The following SHISA9 variants were observed in gnomAD, a reference collection of about 807,000 sequenced individuals.
SHISA9 encodes the protein protein shisa-9.
A neutral mutation model predicts 38.0 loss-of-function variants in SHISA9; 13 were observed. The ratio of observed to expected loss-of-function variants is 0.34; its 90% CI spans 0.22 to 0.54. The LOEUF (loss-of-function observed/expected upper bound fraction) is 0.54. SHISA9 is among the 20% of genes least tolerant of loss of function. SHISA9 has a pLI of 0.91. For missense variants in SHISA9, 538 were observed against 575.8 expected (o/e 0.93, Z 0.67); for synonymous variants, 275 against 242.0 (o/e 1.14, Z -1.27).
chr16:13,035,510 T>C (rs949440396), intron 2 of SHISA9, among the ~76,000 whole-genome samples: 3 of 149,658 alleles, frequency 2.0e-5, no homozygotes, highest in African/African-American at 7.5e-5. Context: ...AGGTTGATTA[T>C]GATTATGTGT....
intron 2 of SHISA9, among the ~76,000 whole-genome samples, chr16:13,153,172 C>G (rs1424621678): frequency 6.6e-6 from 1 of 152,074 alleles, no homozygotes; most frequent in Non-Finnish European, 1.5e-5. Context: ...GACTTCTGAC[C>G]TCCAGACATG....
chr16:13,426,813 G>C, the SHISA9 span, among the ~76,000 whole-genome samples: 4 of 152,198 alleles, frequency 2.6e-5, no homozygotes, highest in Admixed American at 2.6e-4. Context: ...TTTATGAATG[G>C]CGTTGACAGT....
At chr16:13,509,262 G>C in the SHISA9 span, among the ~76,000 whole-genome samples, 2 of 145,076 alleles carry the variant, frequency 1.4e-5, no homozygotes, top group African/African-American at 2.6e-5. Flanking sequence ...GCTGGCTTCA[G>C]TCAGAAATGC....
chr16:13,288,349 G>C, the SHISA9 span, among the ~76,000 whole-genome samples: 1 of 152,124 alleles, frequency 6.6e-6, no homozygotes, highest in South Asian at 2.1e-4. Context: ...TCAGGTTCTG[G>C]TGAAGGCCTT....
chr16:13,287,188 A>G, the SHISA9 span, among the ~76,000 whole-genome samples: 11 of 152,302 alleles, frequency 7.2e-5, no homozygotes, highest in East Asian at 1.9e-3. Context: ...TAAGAACCCA[A>G]TTAAATGTGG....
At chr16:13,482,813 A>AAG in the SHISA9 span, among the ~76,000 whole-genome samples, 1 of 151,358 alleles carries the variant, frequency 6.6e-6, no homozygotes, top group Non-Finnish European at 1.5e-5. Flanking sequence ...AAAAAAAAAA[A>AAG]AAAAGAGAGA....
intron 2 of SHISA9, among the ~76,000 whole-genome samples, chr16:13,158,596 T>G (rs190383822): frequency 6.6e-6 from 1 of 152,244 alleles, no homozygotes; most frequent in Admixed American, 6.5e-5. Flanking sequence ...CAAAGACACA[T>G]CTGATTGGCC....
chr16:13,332,318 A>C, the SHISA9 span, among the ~76,000 whole-genome samples: 1 of 152,170 alleles, frequency 6.6e-6, no homozygotes, highest in Non-Finnish European at 1.5e-5. Flanking sequence ...ACCTTTTGGA[A>C]GTCATGAAGG....
the SHISA9 span, among the ~76,000 whole-genome samples, chr16:13,377,893 C>G: frequency 6.6e-6 from 1 of 151,996 alleles, no homozygotes; most frequent in African/African-American, 2.4e-5. Flanking sequence ...ATTAGCCAGT[C>G]GTGGTGGCAC....
intron 2 of SHISA9, among the ~76,000 whole-genome samples, chr16:13,099,722 C>A (rs560030783): frequency 2.0e-5 from 3 of 152,280 alleles, no homozygotes; most frequent in South Asian, 4.1e-4. Context: ...AAGAATCTTC[C>A]TTTTAGGCTC....
chr16:13,480,553 CTTCCATTT>C, the SHISA9 span, among the ~76,000 whole-genome samples: 1 of 152,170 alleles, frequency 6.6e-6, no homozygotes, highest in Admixed American at 6.5e-5. Context: ...GGCAACCCCA[CTTCCATTT>C]TTCCTCTGCT....
chr16:12,957,044 G>A (rs1415633262), intron 2 of SHISA9, among the ~76,000 whole-genome samples: 3 of 152,032 alleles, frequency 2.0e-5, no homozygotes, highest in African/African-American at 7.2e-5. Flanking sequence ...GATAAACACA[G>A]GTATCATTTT....
chr16:13,192,263 C>G (rs2050892456), intron 2 of SHISA9, among the ~76,000 whole-genome samples: 1 of 152,038 alleles, frequency 6.6e-6, no homozygotes, highest in South Asian at 2.1e-4. Flanking sequence ...TGAAGATTAC[C>G]TTTCAGGTAC....
the SHISA9 span, among the ~76,000 whole-genome samples, chr16:13,499,610 T>C: frequency 1.3e-5 from 2 of 151,336 alleles, no homozygotes; most frequent in African/African-American, 4.9e-5. Context: ...CTATAATATA[T>C]TTGTACTGTT....
the SHISA9 span, among the ~76,000 whole-genome samples, chr16:13,484,090 C>G: frequency 3.9e-5 from 6 of 152,212 alleles, no homozygotes; most frequent in East Asian, 9.7e-4. Context: ...GCATCTGATG[C>G]TATCTCCAGG....
chr16:13,357,418 G>A, the SHISA9 span, among the ~76,000 whole-genome samples: 17 of 152,266 alleles, frequency 1.1e-4, no homozygotes, highest in African/African-American at 4.1e-4. Flanking sequence ...AGTAAAAAGA[G>A]GCCGCTTACC....
intron 2 of SHISA9, among the ~76,000 whole-genome samples, chr16:13,010,681 G>A (rs1203131387): frequency 6.6e-6 from 1 of 151,292 alleles, no homozygotes; most frequent in Non-Finnish European, 1.5e-5. Flanking sequence ...GGTTGGGTGT[G>A]GTGGTTCTTG....
chr16:13,202,453 AGTTT>A lies in SHISA9; in HGVS notation c.692-934_692-931del, dbSNP rs755906829. Among the ~76,000 whole-genome samples the A allele has an allele frequency of 2.0e-4, 27 of 134,450 alleles. 3 individuals carry two copies. The highest frequency in any genetic ancestry group is 3.4e-4 in the Non-Finnish European group (21 of 61,754). 88.2% of individuals were successfully genotyped at this position (134,450 alleles called of 152,430 possible). Reference sequence around the variant, plus strand: ...ATTTCCCTTCAAGCAGCCAATATTTAGTTTGTTTGTCTTTACATTTGTTTGTGTC... The same window carrying A: ...ATTTCCCTTCAAGCAGCCAATATTTAGTTTGTCTTTACATTTGTTTGTGTC... On this transcript the variant is annotated intron_variant, in intron 2 of 4. Transcript: ENST00000558583.
chr16:13,199,888 G>C (rs2142050770), intron 2 of SHISA9, among the ~76,000 whole-genome samples: 1 of 152,302 alleles, frequency 6.6e-6, no homozygotes, highest in East Asian at 1.9e-4. Context: ...ATACTCACCT[G>C]CTTTTCAACT....
Sources: allele counts gnomAD v4.1 joint callset (sites outside exome capture counted in the v4.1 genomes callset), GRCh38; gene constraint gnomAD v4.1.1; transcripts MANE v1.5; gene names NCBI Gene and HGNC (gene_info 2026-07-23, HGNC 2026-07-21).